TMCO5A: variants seen among roughly 807,000 people sequenced by gnomAD.
TMCO5A encodes transmembrane and coiled-coil domains 5A, also known as transmembrane and coiled-coil domain-containing protein 5A.
A neutral mutation model predicts 42.3 loss-of-function variants in TMCO5A; 34 were observed. The ratio of observed to expected loss-of-function variants is 0.80; its 90% CI spans 0.61 to 1.07. The LOEUF (loss-of-function observed/expected upper bound fraction) is 1.07. Among genes scored for constraint, TMCO5A ranks in the 50% least tolerant of loss-of-function variants. TMCO5A has a pLI of 0.00. For missense variants in TMCO5A, 357 were observed against 327.9 expected, an observed-to-expected ratio of 1.09 and a Z score of -0.69; for synonymous variants, 131 against 115.6, an observed-to-expected ratio of 1.13 and a Z score of -0.86.
chr15:37,946,493 A>C (rs1347370076), intron 10 of TMCO5A, among the ~76,000 whole-genome samples: 1 of 152,198 alleles, frequency 6.6e-6, no homozygotes, highest in Non-Finnish European at 1.5e-5. Context: ...TCTATCCATG[A>C]ACATGGAATG....
chr15:38,001,303 T>G, the TMCO5A span, among the ~76,000 whole-genome samples: 1 of 152,112 alleles, frequency 6.6e-6, no homozygotes, highest in Non-Finnish European at 1.5e-5. Flanking sequence ...CTATTTTGTA[T>G]GATATAAATA....
At chr15:38,002,277 G>C in the TMCO5A span, among the ~76,000 whole-genome samples, 8 of 150,196 alleles carry the variant, frequency 5.3e-5, no homozygotes, top group Non-Finnish European at 5.9e-5. Flanking sequence ...ATTGACCTTT[G>C]GGAGCTTGAT....
chr15:37,990,159 T>A, the TMCO5A span, among the ~76,000 whole-genome samples: 1 of 152,088 alleles, frequency 6.6e-6, no homozygotes, highest in African/African-American at 2.4e-5. Context: ...AATTGTGTTG[T>A]TCAAGTCTTC....
the TMCO5A span, among the ~76,000 whole-genome samples, chr15:37,976,099 C>G: frequency 6.9e-6 from 1 of 144,640 alleles, no homozygotes; most frequent in Non-Finnish European, 1.5e-5. Context: ...CAAAAATTAG[C>G]CAGGCATGGT....
the TMCO5A span, among the ~76,000 whole-genome samples, chr15:38,027,181 GCAGA>G: frequency 6.6e-6 from 1 of 152,058 alleles, no homozygotes; most frequent in Non-Finnish European, 1.5e-5. Context: ...TGGAAAAACG[GCAGA>G]CACTCAATTC....
the TMCO5A span, among the ~76,000 whole-genome samples, chr15:38,022,060 T>C: frequency 6.6e-6 from 1 of 152,192 alleles, no homozygotes; most frequent in Non-Finnish European, 1.5e-5. Flanking sequence ...TCTACCCGTG[T>C]TGGCCTCCCA....
chr15:38,009,960 T>C, the TMCO5A span, among the ~76,000 whole-genome samples: 1 of 152,128 alleles, frequency 6.6e-6, no homozygotes, highest in Non-Finnish European at 1.5e-5. Context: ...ACTCTGTAAA[T>C]GTCACCTTAT....
At chr15:37,953,766 G>C (rs1890218977), downstream of TMCO5A, among the ~76,000 whole-genome samples, 1 of 151,976 alleles carries the variant, frequency 6.6e-6, no homozygotes, top group African/African-American at 2.4e-5. Context: ...TGACCTTTCA[G>C]GAAGAAATTT....
chr15:38,003,711 AC>A, the TMCO5A span, among the ~76,000 whole-genome samples: 2 of 151,966 alleles, frequency 1.3e-5, no homozygotes, highest in South Asian at 4.2e-4. Context: ...GTACCTGGCT[AC>A]CACCATGTTC....
downstream of TMCO5A, among the ~76,000 whole-genome samples, chr15:37,969,495 A>C (rs1266771953): frequency 1.3e-5 from 2 of 152,174 alleles, no homozygotes; most frequent in African/African-American, 4.8e-5. Flanking sequence ...GAGAATACCC[A>C]ACACTATGTC....
the TMCO5A span, among the ~76,000 whole-genome samples, chr15:38,033,128 C>T: frequency 3.3e-5 from 5 of 152,128 alleles, no homozygotes; most frequent in African/African-American, 1.2e-4. Context: ...CAGGGTTTCA[C>T]CGTGTTAGCC....
the TMCO5A span, among the ~76,000 whole-genome samples, chr15:38,023,570 C>CT: frequency 1.3e-5 from 2 of 152,178 alleles, no homozygotes; most frequent in African/African-American, 4.8e-5. Flanking sequence ...ATTTCTGACA[C>CT]TTTTCAATGG....
exon 12 of TMCO5A, chr15:37,966,921 A>C (rs1890572415): frequency 2.1e-6 from 1 of 474,164 alleles, no homozygotes. Flanking sequence ...ACTATATGAA[A>C]TGCATTTCTC....
intron 10 of TMCO5A, 103 bp downstream of exon 10, chr15:37,943,501 C>A: frequency 3.5e-6 from 4 of 1,144,874 alleles, no homozygotes; most frequent in Non-Finnish European, 5.1e-6. Context: ...TCTTGCCATG[C>A]GCATTTTCCA....
At chr15:37,971,932 C>T (rs1890681217), downstream of TMCO5A, among the ~76,000 whole-genome samples, 2 of 152,194 alleles carry the variant, frequency 1.3e-5, no homozygotes, top group Admixed American at 6.5e-5. Flanking sequence ...CCACATTTTC[C>T]TGTCTTCTTC....
At chr15:37,953,118 T>C (rs1265534926), downstream of TMCO5A, among the ~76,000 whole-genome samples, 1 of 152,108 alleles carries the variant, frequency 6.6e-6, no homozygotes, top group African/African-American at 2.4e-5. Flanking sequence ...CCTCTGGACA[T>C]GCACAGGGCC....
rs111975143 is a variant in TMCO5A at position 37,942,046 on chromosome 15, G to C, written c.505-145G>C. ...CATAGTGAGAGATCAAGAGTAGTAG[G>C]GGGGTGAGTTTTATGAAAGCAGAGA... On this transcript the variant is annotated intron_variant, in intron 8 of 11. Transcript: ENST00000319669. 2.0e-3 allele frequency: 1,457 copies of C among 737,484 alleles called. 16 individuals are homozygous for C. The African/African-American group carries it at 0.022, about 11-fold the overall frequency. 45.7% of individuals were successfully genotyped at this position (737,484 alleles called of 1,614,324 possible). A position where few individuals can be genotyped will look rare whatever the true frequency, so the allele number is the denominator to read the frequency against.
At position 37,937,388 on chromosome 15, in the gene TMCO5A, C is replaced by T. The variant is rs1354514720; in HGVS notation, c.307C>T (p.Gln103Ter). 1 of 1,612,928 alleles carries T rather than the reference C, an allele frequency of 6.2e-7. No homozygotes were observed. Among genetic ancestry groups the T allele is most frequent in the East Asian group, 2.2e-5 (1 of 44,832 alleles). The change falls in exon 5 of 12, where the codon CAA becomes TAA. Residue 103 changes from glutamine to a stop codon, truncating the protein, a stop_gained. Coordinates refer to ENST00000319669, the MANE Select transcript of TMCO5A (RefSeq NM_152453.4). LOFTEE classifies it high-confidence loss of function. ...GTTGGTCCACAGTATAACAGAACTTCAACAAAAGGTGAGGTAGGGTACTTG... is the reference window on the plus strand; with the variant it reads ...GTTGGTCCACAGTATAACAGAACTTTAACAAAAGGTGAGGTAGGGTACTTG... ...KTLVHSITEL[Q>*]QKLTRKSQKI...
the TMCO5A span, among the ~76,000 whole-genome samples, chr15:37,975,762 G>A: frequency 2.7e-4 from 39 of 141,908 alleles, 1 homozygote; most frequent in African/African-American, 1.2e-3. Flanking sequence ...GATCAGTTGC[G>A]GTTTGATTTT....
Sources: gnomAD v4.1 joint callset for allele counts (sites outside exome capture counted in the v4.1 genomes callset) on GRCh38, gnomAD v4.1.1 for gene constraint, MANE v1.5 for transcripts, NCBI Gene and HGNC (gene_info 2026-07-23, HGNC 2026-07-21) for gene names.